Variants in TEX26 observed in about 807,000 individuals in gnomAD.
TEX26 encodes testis expressed 26.
TEX26 carries 34 observed loss-of-function variants against 35.3 expected under a neutral mutation model. The observed-to-expected ratio is 0.96, with a 90% confidence interval of 0.73 to 1.28. The LOEUF (loss-of-function observed/expected upper bound fraction) is 1.28. Among genes scored for constraint, TEX26 ranks in the 50% most tolerant of loss-of-function variants. The pLI is 0.00. For missense variants in TEX26, 371 were observed against 330.1 expected (o/e 1.12, Z -0.96); for synonymous variants, 136 against 111.8 (o/e 1.22, Z -1.36).
chr13:30,957,075 C>A, intron 4 of TEX26, 46 bp downstream of exon 4: 1 of 1,586,202 alleles, frequency 6.3e-7, no homozygotes. Context: ...TGTGGTAGGC[C>A]CTGGAGTTGC....
Position 30,974,939 on chromosome 13 carries a change from GA to G in TEX26, c.*36del. ...AAAATAGTACAAATGAAGAAAATCT[GA>G]AAATCAATGGAAGCACGAGGACATT... On this transcript the variant is annotated 3_prime_UTR_variant, in exon 7 of 7. Coordinates refer to ENST00000380473, the MANE Select transcript of TEX26 (RefSeq NM_152325.3). 1.4e-6 allele frequency: 2 copies of G among 1,427,266 alleles called. No homozygotes were observed. Among genetic ancestry groups the G allele is most frequent in the Non-Finnish European group, 1.9e-6 (2 of 1,050,810 alleles). 88.4% of individuals were successfully genotyped at this position (1,427,266 alleles called of 1,614,324 possible). A position where few individuals can be genotyped will look rare whatever the true frequency, so the allele number is the denominator to read the frequency against.
At chr13:30,970,865 G>A (rs2138350124) in intron 6 of TEX26, among the ~76,000 whole-genome samples, 1 of 152,344 alleles carries the variant, frequency 6.6e-6, no homozygotes, top group Non-Finnish European at 1.5e-5. Context: ...GATCTTTCAG[G>A]TAAACACTCT....
At chr13:30,949,493 T>A (rs1016742162) in intron 2 of TEX26, among the ~76,000 whole-genome samples, 1 of 152,018 alleles carries the variant, frequency 6.6e-6, no homozygotes, top group Non-Finnish European at 1.5e-5. Flanking sequence ...TAATATATAT[T>A]TTGAGAATAT....
rs1954837056 is a variant in TEX26 at position 30,975,043 on chromosome 13, G to C, written c.*136G>C. 1 of 580,368 alleles carries C rather than the reference G, an allele frequency of 1.7e-6. No homozygotes were observed. Among genetic ancestry groups the C allele is most frequent in the Admixed American group, 4.2e-5 (1 of 23,820 alleles). 36.0% of individuals were successfully genotyped at this position (580,368 alleles called of 1,614,324 possible). ...TATGATGTGATAGTCATGAATTTGT[G>C]TCTTTTGCTCCGCTTTATTTTTAAA... is the stretch of plus-strand genomic sequence containing the variant. On this transcript the variant is annotated 3_prime_UTR_variant, in exon 7 of 7. Transcript: ENST00000380473.
At chr13:30,944,381 A>G (rs1006948205) in intron 2 of TEX26, among the ~76,000 whole-genome samples, 1 of 151,580 alleles carries the variant, frequency 6.6e-6, no homozygotes, top group African/African-American at 2.4e-5. Context: ...ATGGTCTATC[A>G]ATTTTACCTT....
chr13:30,942,404 A>C (rs996520115), intron 2 of TEX26, among the ~76,000 whole-genome samples: 1 of 151,910 alleles, frequency 6.6e-6, no homozygotes, highest in African/African-American at 2.4e-5. Flanking sequence ...TTCCTTGTAG[A>C]TTTGGGATGT....
chr13:30,957,034 A>G lies in TEX26; in HGVS notation c.469+5A>G. 1.2e-6 allele frequency: 2 copies of G among 1,612,026 alleles called. No individual in the cohort carries two copies. Among genetic ancestry groups the G allele is most frequent in the Non-Finnish European group, 1.7e-6 (2 of 1,178,442 alleles). On this transcript the variant is annotated splice_donor_5th_base_variant and intron_variant, in intron 4 of 6. Transcript: ENST00000380473. ...ACTTTGTGGACAGATCAAAAGGTAAACACTTTTGTTTTTCTTTTTTTCCTG... is the reference window on the plus strand; with the variant it reads ...ACTTTGTGGACAGATCAAAAGGTAAGCACTTTTGTTTTTCTTTTTTTCCTG...
intron 4 of TEX26, among the ~76,000 whole-genome samples, chr13:30,964,020 G>A (rs1455066458): frequency 1.3e-5 from 2 of 152,026 alleles, no homozygotes; most frequent in Non-Finnish European, 2.9e-5. Flanking sequence ...ACCCTTCTGT[G>A]AGCCAGGCCA....
intron 2 of TEX26, among the ~76,000 whole-genome samples, chr13:30,942,481 T>C (rs1015281228): frequency 6.6e-6 from 1 of 152,184 alleles, no homozygotes; most frequent in African/African-American, 2.4e-5. Flanking sequence ...CTGATTATTC[T>C]AATTATTCTT....
intron 2 of TEX26, 63 bp downstream of exon 2, chr13:30,939,841 C>T: frequency 1.4e-6 from 2 of 1,436,380 alleles, no homozygotes; most frequent in South Asian, 1.2e-5. Context: ...TCTTTTATGA[C>T]TCAGAATCCA....
chr13:30,940,485 C>T (rs1953450143), intron 2 of TEX26, among the ~76,000 whole-genome samples: 1 of 151,624 alleles, frequency 6.6e-6, no homozygotes, highest in Non-Finnish European at 1.5e-5. Context: ...AGGCGCCCGC[C>T]ACCACACCTG....
intron 1 of TEX26, among the ~76,000 whole-genome samples, chr13:30,935,283 C>G (rs1953230811): frequency 6.6e-6 from 1 of 152,186 alleles, no homozygotes; most frequent in Non-Finnish European, 1.5e-5. Flanking sequence ...GGGCTGGGGT[C>G]CCCAGTAAGG....
rs536575850 is a variant in TEX26 at position 30,966,272 on chromosome 13, C to A, written c.520C>A (p.Leu174Ile). ...SHLSLEWKKL[L>I]PQPPDTEFRR... ...CTTGTCTCTGGAATGGAAAAAGTTA[C>A]TTCCCCAACCTCCAGACACTGAATT... Residue 174 changes from leucine (L) to isoleucine (I), a missense_variant, in exon 5 of 7, where the codon CTT (leucine) becomes ATT (isoleucine). Coordinates refer to ENST00000380473, the MANE Select transcript of TEX26 (RefSeq NM_152325.3). The A allele has an allele frequency of 9.3e-6, 15 of 1,614,060 alleles. No homozygotes were observed. The highest frequency in any genetic ancestry group is 8.0e-5 in the African/African-American group (6 of 75,012).
At chr13:30,957,635 C>T (rs751693949) in intron 4 of TEX26, among the ~76,000 whole-genome samples, 6 of 152,024 alleles carry the variant, frequency 3.9e-5, no homozygotes, top group Non-Finnish European at 7.4e-5. Flanking sequence ...GTTAGGGGAG[C>T]GCAGAGAGGA....
chr13:30,966,172 A>G, intron 4 of TEX26, 50 bp from the exon 5 acceptor site: 2 of 1,605,288 alleles, frequency 1.2e-6, no homozygotes, highest in Non-Finnish European at 1.7e-6. Flanking sequence ...GGGTTTAGCT[A>G]CTTTGTTCAC....
intron 3 of TEX26, among the ~76,000 whole-genome samples, chr13:30,954,805 T>C (rs1395991560): frequency 6.6e-6 from 1 of 152,134 alleles, no homozygotes; most frequent in Non-Finnish European, 1.5e-5. Flanking sequence ...TACAATATTA[T>C]ACTGTATGTA....
chr13:30,952,556 C>A, intron 2 of TEX26, 104 bp from the exon 3 acceptor site: 1 of 975,998 alleles, frequency 1.0e-6, no homozygotes, highest in Non-Finnish European at 1.5e-6. Context: ...TTATGCCAAT[C>A]AATCTTTTTA....
At chr13:30,971,120 G>T (rs1954697415) in intron 6 of TEX26, among the ~76,000 whole-genome samples, 1 of 152,162 alleles carries the variant, frequency 6.6e-6, no homozygotes, top group African/African-American at 2.4e-5. Flanking sequence ...CTCTGCTGTA[G>T]AATGGCCCAC....
intron 3 of TEX26, among the ~76,000 whole-genome samples, chr13:30,953,820 GGTTTCATTTGC>G (rs1234969605): frequency 6.6e-6 from 1 of 152,132 alleles, no homozygotes; most frequent in Non-Finnish European, 1.5e-5. Context: ...TGTAGTAAAG[GGTTTCATTTGC>G]TTGACTGCCA....
Sources: gnomAD v4.1 joint callset for allele counts (sites outside exome capture counted in the v4.1 genomes callset) on GRCh38, gnomAD v4.1.1 for gene constraint, MANE v1.5 for transcripts, NCBI Gene and HGNC (gene_info 2026-07-23, HGNC 2026-07-21) for gene names.